The following ENTHD1 variants were observed in gnomAD, a reference collection of about 807,000 sequenced individuals.
ENTHD1 encodes ENTH domain containing 1, also known as ENTH domain-containing protein 1.
ENTHD1 carries 23 observed loss-of-function variants against 39.1 expected under a neutral mutation model. That is an observed-to-expected ratio of 0.59 (90% CI 0.42 to 0.83). The LOEUF (loss-of-function observed/expected upper bound fraction) is 0.83. Ranked by LOEUF, ENTHD1 falls within the 40% of genes least tolerant of loss-of-function variation. The pLI is 0.00. For synonymous variants in ENTHD1, 230 were observed against 258.2 expected (o/e 0.89, Z 1.05); for missense variants, 624 against 705.4 (o/e 0.88, Z 1.31).
intron 2 of ENTHD1, among the ~76,000 whole-genome samples, chr22:39,870,671 G>A (rs890997896): frequency 2.0e-5 from 3 of 152,048 alleles, no homozygotes; most frequent in Non-Finnish European, 2.9e-5. Context: ...CCATTCAGTC[G>A]GCCCATCAGC....
At chr22:39,839,223 A>C (rs1335959610) in intron 3 of ENTHD1, among the ~76,000 whole-genome samples, 1 of 152,202 alleles carries the variant, frequency 6.6e-6, no homozygotes, top group East Asian at 1.9e-4. Context: ...AATATAAGGC[A>C]CAGTCTTTAC....
At chr22:39,862,851 G>A (rs1447888784) in intron 2 of ENTHD1, among the ~76,000 whole-genome samples, 2 of 152,198 alleles carry the variant, frequency 1.3e-5, no homozygotes, top group African/African-American at 4.8e-5. Flanking sequence ...AAGAGGTGGA[G>A]CCTTTAAGAG....
intron 3 of ENTHD1, among the ~76,000 whole-genome samples, chr22:39,849,140 A>G (rs2066015075): frequency 6.6e-6 from 1 of 151,908 alleles, no homozygotes; most frequent in Non-Finnish European, 1.5e-5. Flanking sequence ...CAAACCCTCC[A>G]CCTTACTCTA....
intron 3 of ENTHD1, among the ~76,000 whole-genome samples, chr22:39,840,921 T>A (rs1465322938): frequency 6.6e-6 from 1 of 152,030 alleles, no homozygotes; most frequent in Non-Finnish European, 1.5e-5. Context: ...CCTGGCTAAT[T>A]TTTTGTATTT....
At chr22:39,869,679 C>A (rs2066222391) in intron 2 of ENTHD1, among the ~76,000 whole-genome samples, 1 of 149,182 alleles carries the variant, frequency 6.7e-6, no homozygotes, top group South Asian at 2.1e-4. Flanking sequence ...TAAATCCACA[C>A]CAAATGAAAT....
chr22:39,854,090 G>A (rs140255748), intron 3 of ENTHD1, among the ~76,000 whole-genome samples: 10 of 152,196 alleles, frequency 6.6e-5, no homozygotes, highest in African/African-American at 2.4e-4. Flanking sequence ...CACTTGGATT[G>A]GGACCATTCA....
intron 6 of ENTHD1, among the ~76,000 whole-genome samples, chr22:39,748,523 C>G (rs1469654403): frequency 6.6e-6 from 1 of 151,856 alleles, no homozygotes; most frequent in Non-Finnish European, 1.5e-5. Flanking sequence ...CAGGTTCACA[C>G]CATTCTTCTG....
At chr22:39,872,524 G>A (rs2066252278) in intron 2 of ENTHD1, among the ~76,000 whole-genome samples, 1 of 152,092 alleles carries the variant, frequency 6.6e-6, no homozygotes. Context: ...AAAACCTAGT[G>A]TAAATATAAA....
intron 2 of ENTHD1, among the ~76,000 whole-genome samples, chr22:39,881,596 C>T (rs1017089556): frequency 1.3e-5 from 2 of 152,098 alleles, no homozygotes; most frequent in Non-Finnish European, 2.9e-5. Flanking sequence ...ATAGACAAAG[C>T]GGATATAAAA....
At chr22:39,816,776 G>A (rs1380439593) in intron 5 of ENTHD1, among the ~76,000 whole-genome samples, 1 of 151,754 alleles carries the variant, frequency 6.6e-6, no homozygotes, top group Non-Finnish European at 1.5e-5. Context: ...AGAAAAAGAG[G>A]AATAAATATG....
intron 6 of ENTHD1, among the ~76,000 whole-genome samples, chr22:39,761,718 C>T (rs185897760): frequency 3.0e-4 from 45 of 151,918 alleles, no homozygotes; most frequent in African/African-American, 1.1e-3. Context: ...TCTGCTAAGC[C>T]CTTCCAGTAA....
chr22:39,771,539 T>G (rs2065324662), intron 5 of ENTHD1, among the ~76,000 whole-genome samples: 1 of 152,174 alleles, frequency 6.6e-6, no homozygotes, highest in Non-Finnish European at 1.5e-5. Flanking sequence ...GTTATCATCA[T>G]AGTCAAATTG....
intron 5 of ENTHD1, among the ~76,000 whole-genome samples, chr22:39,790,549 A>G (rs1408791550): frequency 6.6e-6 from 1 of 152,132 alleles, no homozygotes; most frequent in Non-Finnish European, 1.5e-5. Context: ...AGCCTCTATG[A>G]CAACCATGAC....
At chr22:39,748,495 C>T (rs1250832220) in intron 6 of ENTHD1, among the ~76,000 whole-genome samples, 1 of 151,534 alleles carries the variant, frequency 6.6e-6, no homozygotes, top group East Asian at 1.9e-4. Context: ...GATCTTGGCT[C>T]ACTGCAAGCT....
At chr22:39,786,166 C>T (rs1031900699) in intron 5 of ENTHD1, among the ~76,000 whole-genome samples, 2 of 152,120 alleles carry the variant, frequency 1.3e-5, no homozygotes, top group South Asian at 4.1e-4. Context: ...CATTCTACTC[C>T]CTGTCTTCAA....
At chr22:39,859,603 G>A (rs946646505) in intron 3 of ENTHD1, among the ~76,000 whole-genome samples, 5 of 152,140 alleles carry the variant, frequency 3.3e-5, no homozygotes, top group African/African-American at 1.2e-4. Context: ...CGGGATCAGT[G>A]AAGCAGTCAG....
chr22:39,775,514 T>A (rs2065359068), intron 5 of ENTHD1, among the ~76,000 whole-genome samples: 1 of 151,888 alleles, frequency 6.6e-6, no homozygotes, highest in Non-Finnish European at 1.5e-5. Context: ...GATTCCCAAA[T>A]CCCAAATCAA....
At chr22:39,887,271 G>T in intron 2 of ENTHD1, 129 bp downstream of exon 2, 1 of 752,144 alleles carries the variant, frequency 1.3e-6, no homozygotes, top group Non-Finnish European at 2.1e-6. Context: ...CTATTCACAG[G>T]TGCAATCTTT....
At position 39,887,788 on chromosome 22, in the gene ENTHD1, A is replaced by G. The variant is rs2066392795; in HGVS notation, c.-40T>C. 1 of 1,418,482 alleles carries G rather than the reference A, an allele frequency of 7.0e-7. No individual in the cohort carries two copies. Among genetic ancestry groups the G allele is most frequent in the Non-Finnish European group, 9.6e-7 (1 of 1,046,954 alleles). 87.9% of individuals were successfully genotyped at this position (1,418,482 alleles called of 1,614,324 possible). A position where few individuals can be genotyped will look rare whatever the true frequency, so the allele number is the denominator to read the frequency against. ...CCAAGGTGAGATGGAGGATGAAAGC[A>G]ATGGAATAACAGTTTATGTCACGGG... On this transcript the variant is annotated 5_prime_UTR_variant, in exon 2 of 7. Coordinates refer to ENST00000325157, the MANE Select transcript of ENTHD1 (RefSeq NM_152512.4).
Sources: gnomAD v4.1 joint callset for allele counts (sites outside exome capture counted in the v4.1 genomes callset) on GRCh38, gnomAD v4.1.1 for gene constraint, MANE v1.5 for transcripts, NCBI Gene and HGNC (gene_info 2026-07-23, HGNC 2026-07-21) for gene names.